CWC27: variants seen among roughly 807,000 people sequenced by gnomAD.
The protein encoded by CWC27 is CWC27 spliceosome associated cyclophilin, also known as spliceosome-associated protein CWC27 homolog.
A neutral mutation model predicts 63.6 loss-of-function variants in CWC27; 47 were observed. That is an observed-to-expected ratio of 0.74 (90% CI 0.58 to 0.94). The LOEUF (loss-of-function observed/expected upper bound fraction) is 0.94, where lower values mean the gene tolerates loss of function less well. Among genes scored for constraint, CWC27 ranks in the 40% least tolerant of loss-of-function variants. The pLI, the probability that CWC27 is intolerant of heterozygous loss-of-function variation, is 0.00. For missense variants in CWC27, 495 were observed against 554.3 expected, an observed-to-expected ratio of 0.89 and a Z score of 1.07; for synonymous variants, 175 against 179.8, an observed-to-expected ratio of 0.97 and a Z score of 0.22.
chr5:64,952,778 G>A (rs1444273938), intron 11 of CWC27, among the ~76,000 whole-genome samples: 2 of 152,040 alleles, frequency 1.3e-5, no homozygotes, highest in African/African-American at 4.8e-5. Flanking sequence ...CCCTTTAGAA[G>A]CAAGCTTACA....
At chr5:65,003,492 A>G (rs1368631572) in intron 13 of CWC27, among the ~76,000 whole-genome samples, 1 of 152,018 alleles carries the variant, frequency 6.6e-6, no homozygotes, top group Non-Finnish European at 1.5e-5. Flanking sequence ...CTTCTCTACA[A>G]TGAGTTTTAT....
At chr5:64,805,715 C>A (rs1387480091) in intron 10 of CWC27, among the ~76,000 whole-genome samples, 2 of 151,888 alleles carry the variant, frequency 1.3e-5, no homozygotes, top group South Asian at 2.1e-4. Flanking sequence ...TACTTATATA[C>A]CCTATAATAT....
At chr5:64,999,620 A>G (rs1749696659) in intron 13 of CWC27, among the ~76,000 whole-genome samples, 1 of 152,082 alleles carries the variant, frequency 6.6e-6, no homozygotes, top group South Asian at 2.1e-4. Flanking sequence ...TATTTCACTT[A>G]ACATCATGGC....
intron 10 of CWC27, among the ~76,000 whole-genome samples, chr5:64,880,884 G>A (rs1388411475): frequency 1.7e-5 from 2 of 120,344 alleles, no homozygotes; most frequent in East Asian, 2.8e-4. Context: ...TACCATTTAA[G>A]CAGAGACTAG....
chr5:64,981,851 A>G (rs961485185), intron 13 of CWC27, among the ~76,000 whole-genome samples: 4 of 152,232 alleles, frequency 2.6e-5, no homozygotes, highest in African/African-American at 9.6e-5. Context: ...TAGGAGCCTT[A>G]TCTCCAAGTA....
intron 7 of CWC27, among the ~76,000 whole-genome samples, chr5:64,798,232 C>T (rs56885338): frequency 0.37 from 55,527 of 151,914 alleles, 10,745 homozygotes; most frequent in East Asian, 0.51. Flanking sequence ...GATGATTATT[C>T]CCATTTTGTA....
At chr5:64,788,294 G>T (rs767038278) in intron 6 of CWC27, among the ~76,000 whole-genome samples, 16 of 151,144 alleles carry the variant, frequency 1.1e-4, no homozygotes, top group Non-Finnish European at 1.9e-4. Flanking sequence ...TGATATGTTG[G>T]TCGTTGCTTG....
intron 11 of CWC27, among the ~76,000 whole-genome samples, chr5:64,956,073 A>G (rs1344455431): frequency 6.6e-6 from 1 of 152,160 alleles, no homozygotes; most frequent in Non-Finnish European, 1.5e-5. Context: ...ATGATAGAAA[A>G]TAACCCTTAA....
At chr5:64,836,588 A>G (rs1745662967) in intron 10 of CWC27, among the ~76,000 whole-genome samples, 1 of 151,996 alleles carries the variant, frequency 6.6e-6, no homozygotes, top group South Asian at 2.1e-4. Flanking sequence ...TCCTACTTTT[A>G]GTATGTGGTT....
At chr5:64,858,600 C>A (rs1746319817) in intron 10 of CWC27, among the ~76,000 whole-genome samples, 1 of 151,618 alleles carries the variant, frequency 6.6e-6, no homozygotes, top group South Asian at 2.1e-4. Flanking sequence ...TTTAAGTGAA[C>A]AAAATACTTG....
chr5:64,790,696 T>TA (rs1281106498), intron 7 of CWC27, among the ~76,000 whole-genome samples: 2 of 152,192 alleles, frequency 1.3e-5, no homozygotes, highest in Non-Finnish European at 2.9e-5. Context: ...CCATCCAGGC[T>TA]AAGCTAGGTA....
intron 11 of CWC27, among the ~76,000 whole-genome samples, chr5:64,924,721 A>G (rs1311876939): frequency 6.6e-6 from 1 of 152,202 alleles, no homozygotes; most frequent in Non-Finnish European, 1.5e-5. Context: ...GTGAGCACAC[A>G]TGGCTCATGT....
intron 13 of CWC27, among the ~76,000 whole-genome samples, chr5:65,005,602 T>G (rs938331957): frequency 1.1e-4 from 16 of 152,104 alleles, no homozygotes; most frequent in Admixed American, 8.5e-4. Context: ...ACAACAAGTA[T>G]AGGCACTAAC....
intron 10 of CWC27, among the ~76,000 whole-genome samples, chr5:64,879,913 A>G (rs1016703534): frequency 6.6e-6 from 1 of 151,990 alleles, no homozygotes; most frequent in Admixed American, 6.6e-5. Flanking sequence ...ATCTTTCATT[A>G]CTAGTTACCT....
rs915193174 is a variant in CWC27, at chr5:64,804,289, A to T, written c.841A>T (p.Met281Leu). The T allele has an allele frequency of 1.2e-6, 2 of 1,613,168 alleles. No individual in the cohort carries two copies. Among genetic ancestry groups the T allele is most frequent in the African/African-American group, 1.3e-5 (1 of 74,860 alleles). Reference sequence around the variant, plus strand: ...TATTGATGGTGATGAAAAGAACCTGATGAGAGAAAGAATTGCCAAAAAATT... The same window carrying T: ...TATTGATGGTGATGAAAAGAACCTGTTGAGAGAAAGAATTGCCAAAAAATT... Reference protein sequence around the residue: ...EYIDGDEKNLMRERIAKKLKK... With the variant: ...EYIDGDEKNLLRERIAKKLKK... The change falls in exon 10 of 14, where the codon ATG (methionine) becomes TTG (leucine). Residue 281 changes from methionine to leucine, a missense_variant. Met to Leu is a conservative substitution (Grantham distance 15). Transcript: ENST00000381070.
At position 64,896,082 on chromosome 5, in the gene CWC27, A is replaced by G. The variant is rs372600141; in HGVS notation, c.1042+10536A>G. ...GAAAAATAAATTCAGTCCTAGATGC[A>G]TTATGATAATACATCAGAGCATTCA... On this transcript the variant is annotated intron_variant, in intron 11 of 13. Transcript: ENST00000381070. Among the ~76,000 whole-genome samples, 17 of 152,350 alleles carry G rather than the reference A, an allele frequency of 1.1e-4. No homozygotes were observed. In the South Asian group the frequency reaches 3.1e-3, roughly 28 times the overall value.
chr5:64,979,511 G>A (rs888164158), intron 13 of CWC27, among the ~76,000 whole-genome samples: 1 of 152,146 alleles, frequency 6.6e-6, no homozygotes, highest in Non-Finnish European at 1.5e-5. Context: ...GTTCAGTATA[G>A]CTTTCTCAAG....
chr5:64,862,217 T>G (rs1746428258), intron 10 of CWC27, among the ~76,000 whole-genome samples: 1 of 152,132 alleles, frequency 6.6e-6, no homozygotes, highest in Non-Finnish European at 1.5e-5. Flanking sequence ...TACCTGACAA[T>G]GTAACTACTA....
intron 11 of CWC27, among the ~76,000 whole-genome samples, chr5:64,928,085 G>A (rs114273563): frequency 0.036 from 5,500 of 151,824 alleles, 352 homozygotes; most frequent in African/African-American, 0.13. Flanking sequence ...AACACGGGAG[G>A]CCAAGGTTGC....
Sources: gnomAD v4.1 joint callset for allele counts (sites outside exome capture counted in the v4.1 genomes callset) on GRCh38, gnomAD v4.1.1 for gene constraint, MANE v1.5 for transcripts, NCBI Gene and HGNC (gene_info 2026-07-23, HGNC 2026-07-21) for gene names.